PCGF6: variants seen among roughly 807,000 people sequenced by gnomAD.
PCGF6 encodes polycomb group ring finger 6, also known as polycomb group RING finger protein 6.
In PCGF6, 24 loss-of-function variants were observed where a neutral mutation model predicts 45.5. The observed-to-expected ratio is 0.53, with a 90% CI of 0.38 to 0.74. The LOEUF is 0.74. PCGF6 is among the 30% of genes least tolerant of loss of function. The pLI is 0.00. For missense variants in PCGF6, 356 were observed against 443.2 expected (o/e 0.80, Z 1.77); for synonymous variants, 152 against 162.1 (o/e 0.94, Z 0.47).
intron 6 of PCGF6, among the ~76,000 whole-genome samples, chr10:103,339,683 T>C (rs1367008972): frequency 6.7e-6 from 1 of 150,182 alleles, no homozygotes; most frequent in Non-Finnish European, 1.5e-5. Flanking sequence ...CCCGCTACTC[T>C]GGAGGCTGAG....
intron 7 of PCGF6, among the ~76,000 whole-genome samples, chr10:103,331,181 A>C (rs1169980243): frequency 6.6e-6 from 1 of 151,996 alleles, no homozygotes; most frequent in Middle Eastern, 3.2e-3. Context: ...GTCAAATAAT[A>C]CTCTATTATA....
At chr10:103,305,262 C>T (rs532450232) in intron 9 of PCGF6, among the ~76,000 whole-genome samples, 5 of 151,584 alleles carry the variant, frequency 3.3e-5, no homozygotes, top group East Asian at 1.9e-4. Context: ...GTGTGAGGCA[C>T]GCATCCAGCC....
chr10:103,312,797 A>G (rs2093161965), intron 9 of PCGF6, among the ~76,000 whole-genome samples: 1 of 152,070 alleles, frequency 6.6e-6, no homozygotes, highest in East Asian at 1.9e-4. Flanking sequence ...CCCTGTCTCT[A>G]CTAAAAACAC....
intron 7 of PCGF6, among the ~76,000 whole-genome samples, chr10:103,328,110 C>G (rs758106888): frequency 6.6e-6 from 1 of 152,044 alleles, no homozygotes; most frequent in Non-Finnish European, 1.5e-5. Context: ...TAATGCTTAC[C>G]CAGCTCCGAT....
chr10:103,326,713 T>C (rs1174735171), intron 7 of PCGF6, 81 bp from the exon 8 acceptor site: 20 of 974,158 alleles, frequency 2.1e-5, no homozygotes, highest in Non-Finnish European at 2.9e-5. Context: ...ATATGTAATG[T>C]GTAAACATTA....
intron 6 of PCGF6, among the ~76,000 whole-genome samples, chr10:103,343,745 A>G (rs2093289254): frequency 7.0e-6 from 1 of 143,288 alleles, no homozygotes; most frequent in African/African-American, 2.5e-5. Flanking sequence ...AGGCAGGAGA[A>G]TCCCCTGAAC....
At chr10:103,307,160 G>A (rs940727529) in intron 9 of PCGF6, among the ~76,000 whole-genome samples, 1 of 151,974 alleles carries the variant, frequency 6.6e-6, no homozygotes. Context: ...ACAAGGCCAG[G>A]TGTGGTGGCT....
At chr10:103,304,590 C>G (rs1251461535) in intron 9 of PCGF6, among the ~76,000 whole-genome samples, 3 of 151,502 alleles carry the variant, frequency 2.0e-5, no homozygotes, top group Non-Finnish European at 4.4e-5. Flanking sequence ...ATCCTCCTGC[C>G]TCAGCCTCCC....
At chr10:103,309,196 T>G (rs1017092842) in intron 9 of PCGF6, among the ~76,000 whole-genome samples, 51 of 132,644 alleles carry the variant, frequency 3.8e-4, no homozygotes, top group Admixed American at 7.5e-4. Context: ...TGAGATTTGG[T>G]GGGGGGGGGG....
intron 9 of PCGF6, among the ~76,000 whole-genome samples, chr10:103,308,629 T>G (rs1398866094): frequency 6.6e-6 from 1 of 151,972 alleles, no homozygotes; most frequent in Non-Finnish European, 1.5e-5. Context: ...CCCAGCACTT[T>G]GGAAAGCTGA....
In PCGF6 at chr10:103,350,690, G is replaced by A. The variant is rs1241983463; in HGVS notation, c.360+17C>T. On this transcript the variant is annotated intron_variant, in intron 1 of 9. Transcript: ENST00000369847. ...CGCCGCTTGGGCCCAGCGGGGTCGC[G>A]CGGGGGCTCTAAATACCTCCTCCTC... 1.4e-6 allele frequency: 2 copies of A among 1,463,472 alleles called. No homozygotes were observed. Among genetic ancestry groups the A allele is most frequent in the East Asian group, 2.7e-5 (1 of 37,604 alleles). The allele number at this position is 1,463,472 out of a possible 1,614,324, so 90.7% of individuals were successfully genotyped here. A position where few individuals can be genotyped will look rare whatever the true frequency, so the allele number is the denominator to read the frequency against.
chr10:103,339,818 C>A (rs1253620195), intron 6 of PCGF6, among the ~76,000 whole-genome samples: 1,761 of 28,746 alleles, frequency 0.061, 123 homozygotes, highest in Middle Eastern at 0.14. Flanking sequence ...AAAACACACA[C>A]ACACACACAC....
At chr10:103,326,305 C>T (rs558421959) in intron 8 of PCGF6, among the ~76,000 whole-genome samples, 351 of 149,036 alleles carry the variant, frequency 2.4e-3, no homozygotes, top group African/African-American at 7.6e-3. Flanking sequence ...AGAAGAATGG[C>T]GTGAACCCGG....
rs751677395 is a variant in PCGF6, at chr10:103,326,626, C to T, written c.817G>A (p.Glu273Lys). The T allele has an allele frequency of 9.3e-6, 15 of 1,608,898 alleles. No homozygotes were observed. Among genetic ancestry groups the T allele is most frequent in the Admixed American group, 1.7e-5 (1 of 58,458 alleles). ...CCTGAAACTCGAACAAACTTCTTTT[C>T]CAATGGCTACAAAAACAGACAGATA... is the stretch of plus-strand genomic sequence containing the variant. ...NEGTGHFKPL[E>K]KKFVRVSGEA... Residue 273 changes from glutamate to lysine, a missense_variant, in exon 8 of 10, where the codon GAA (glutamate) becomes AAA (lysine). Physicochemically the swap from Glu to Lys is moderately conservative, Grantham distance 56. This residue lies in a region of PCGF6 where 307 missense variants were observed against 350.1 expected (regional missense o/e 0.88). Transcript: ENST00000369847.
At chr10:103,322,966 G>GA (rs1325161009) in intron 8 of PCGF6, among the ~76,000 whole-genome samples, 1 of 150,808 alleles carries the variant, frequency 6.6e-6, no homozygotes, top group African/African-American at 2.4e-5. Context: ...AATAGCCATA[G>GA]AATAATCTGT....
chr10:103,323,202 G>A (rs773969968), intron 8 of PCGF6, among the ~76,000 whole-genome samples: 9 of 152,062 alleles, frequency 5.9e-5, no homozygotes, highest in Non-Finnish European at 7.4e-5. Flanking sequence ...ATATAACCAG[G>A]ATATGTCAAG....
chr10:103,304,611 G>T (rs982948479), intron 9 of PCGF6, among the ~76,000 whole-genome samples: 5 of 149,338 alleles, frequency 3.3e-5, no homozygotes, highest in African/African-American at 1.2e-4. Flanking sequence ...ACAGTGCTGG[G>T]ATTAGAGGCG....
intron 9 of PCGF6, 72 bp downstream of exon 9, chr10:103,314,112 GAA>G: frequency 1.2e-6 from 1 of 804,896 alleles, no homozygotes; most frequent in South Asian, 2.1e-5. Flanking sequence ...GAATATTTAT[GAA>G]AACTTACTGA....
At position 103,351,058 on chromosome 10, in the gene PCGF6, C is replaced by A; in HGVS notation, c.9G>T (p.Gly3=). 3 of 1,392,342 alleles carry A rather than the reference C, an allele frequency of 2.2e-6. No individual in the cohort carries two copies. The highest frequency in any genetic ancestry group is 2.9e-5 in the Admixed American group (1 of 34,918). 86.2% of individuals were successfully genotyped at this position (1,392,342 alleles called of 1,614,324 possible). A position where few individuals can be genotyped will look rare whatever the true frequency, so the allele number is the denominator to read the frequency against. Residue 3 remains glycine (G), a synonymous_variant, in exon 1 of 10, where the codon GGG becomes GGT. Transcript: ENST00000369847. The part of the protein sequence containing the change: ME[G]VAVVTAGSVG... ...CGCTGCCCGCCGTCACCACCGCGACCCCCTCCATGGTCGGGAGAGACACCA... is the reference window on the plus strand; with the variant it reads ...CGCTGCCCGCCGTCACCACCGCGACACCCTCCATGGTCGGGAGAGACACCA...
Sources: allele counts gnomAD v4.1 joint callset (sites outside exome capture counted in the v4.1 genomes callset), GRCh38; gene constraint gnomAD v4.1.1; regional missense constraint gnomAD v4.1.1; transcripts MANE v1.5; gene names NCBI Gene and HGNC (gene_info 2026-07-23, HGNC 2026-07-21).